Variants in SORCS3 observed in about 807,000 individuals in gnomAD.
SORCS3 encodes the protein VPS10 domain-containing receptor SorCS3.
A neutral mutation model predicts 146.3 loss-of-function variants in SORCS3; 57 were observed. The observed-to-expected ratio is 0.39, with a 90% confidence interval of 0.31 to 0.49. The LOEUF (loss-of-function observed/expected upper bound fraction) is 0.49, where lower values mean the gene tolerates loss of function less well. Among genes scored for constraint, SORCS3 ranks in the 20% least tolerant of loss-of-function variants. The probability of loss-of-function intolerance (pLI) is 0.92; values close to 1 mark genes in which losing one functional copy is unlikely to be tolerated. For synonymous variants in SORCS3, 653 were observed against 618.5 expected (o/e 1.06, Z -0.83); for missense variants, 1,341 against 1,575.5 (o/e 0.85, Z 2.52).
intron 4 of SORCS3, among the ~76,000 whole-genome samples, chr10:105,004,438 G>C (rs1184199370): frequency 1.3e-5 from 2 of 152,148 alleles, no homozygotes; most frequent in African/African-American, 4.8e-5. Flanking sequence ...CCATGTTACT[G>C]AATTTCTAGA....
At chr10:104,648,987 G>A (rs963575288) in intron 1 of SORCS3, among the ~76,000 whole-genome samples, 3 of 152,064 alleles carry the variant, frequency 2.0e-5, no homozygotes, top group African/African-American at 7.2e-5. Flanking sequence ...ACTGTTACTT[G>A]GCATGCACTG....
chr10:104,733,391 C>G (rs909207760), intron 1 of SORCS3, among the ~76,000 whole-genome samples: 16 of 151,892 alleles, frequency 1.1e-4, no homozygotes, highest in African/African-American at 2.4e-4. Flanking sequence ...TTGCTCTTGC[C>G]CAGACTAGAG....
chr10:104,897,801 C>G (rs148773955), intron 2 of SORCS3, among the ~76,000 whole-genome samples: 97 of 152,242 alleles, frequency 6.4e-4, no homozygotes, highest in African/African-American at 2.1e-3. Context: ...TTGAGCAAGT[C>G]CTGTTCTGGT....
intron 5 of SORCS3, among the ~76,000 whole-genome samples, chr10:105,057,568 A>G (rs73342210): frequency 0.059 from 8,967 of 152,222 alleles, 288 homozygotes; most frequent in Middle Eastern, 0.089. Context: ...CTGATTTGGC[A>G]AGAAGAAAAC....
chr10:104,850,887 T>C (rs1442464355), intron 2 of SORCS3, among the ~76,000 whole-genome samples: 1 of 152,224 alleles, frequency 6.6e-6, no homozygotes, highest in Non-Finnish European at 1.5e-5. Flanking sequence ...CACAACCACC[T>C]TCTTTCATAA....
At chr10:105,140,260 G>T (rs186430514) in intron 8 of SORCS3, among the ~76,000 whole-genome samples, 2 of 152,280 alleles carry the variant, frequency 1.3e-5, no homozygotes, top group Admixed American at 1.3e-4. Flanking sequence ...CAGAGGTGGA[G>T]GAATTATGGC....
chr10:104,940,239 T>TATATATATATATATATATA (rs1554861474), intron 3 of SORCS3, among the ~76,000 whole-genome samples: 20 of 14,460 alleles, frequency 1.4e-3, no homozygotes, highest in South Asian at 7.1e-3. Context: ...TATATATATA[T>TATATATATATATATATATA]TTTTTTTTTT....
chr10:105,048,886 T>G (rs1468202292), intron 5 of SORCS3, among the ~76,000 whole-genome samples: 1 of 152,142 alleles, frequency 6.6e-6, no homozygotes, highest in Admixed American at 6.6e-5. Context: ...ATCCTTACAA[T>G]TTTTGTGTCA....
intron 3 of SORCS3, among the ~76,000 whole-genome samples, chr10:104,958,924 C>G (rs369283990): frequency 6.6e-6 from 1 of 152,016 alleles, no homozygotes; most frequent in African/African-American, 2.4e-5. Flanking sequence ...CTCACTGTCA[C>G]GAGAACAGCA....
chr10:104,853,357 G>C (rs1216870501), intron 2 of SORCS3, among the ~76,000 whole-genome samples: 1 of 152,200 alleles, frequency 6.6e-6, no homozygotes, highest in Non-Finnish European at 1.5e-5. Flanking sequence ...CCTTTTGAAG[G>C]CTTTCTATTC....
chr10:104,892,162 G>A (rs1353687837), intron 2 of SORCS3, among the ~76,000 whole-genome samples: 1 of 152,146 alleles, frequency 6.6e-6, no homozygotes, highest in Non-Finnish European at 1.5e-5. Context: ...TTCAGGGTCT[G>A]TTCATCTTTC....
intron 7 of SORCS3, among the ~76,000 whole-genome samples, chr10:105,130,363 ATTC>A (rs1174819315): frequency 1.1e-4 from 17 of 152,064 alleles, no homozygotes; most frequent in Non-Finnish European, 2.5e-4. Flanking sequence ...AGGCATGCTA[ATTC>A]TTCTTCTAGT....
intron 1 of SORCS3, among the ~76,000 whole-genome samples, chr10:104,769,179 C>T (rs999278231): frequency 1.3e-5 from 2 of 152,182 alleles, no homozygotes; most frequent in Non-Finnish European, 2.9e-5. Context: ...TGTGTGGGCT[C>T]TTCACAATTG....
At chr10:104,842,336 A>G (rs2018151232) in intron 1 of SORCS3, among the ~76,000 whole-genome samples, 1 of 152,152 alleles carries the variant, frequency 6.6e-6, no homozygotes, top group Non-Finnish European at 1.5e-5. Flanking sequence ...ATCTCTTTGA[A>G]CCCCTTTTAC....
chr10:104,772,403 T>C (rs1209030966), intron 1 of SORCS3, among the ~76,000 whole-genome samples: 1 of 152,228 alleles, frequency 6.6e-6, no homozygotes, highest in African/African-American at 2.4e-5. Context: ...CTTGCTTCTC[T>C]GGTGTCTCTG....
At chr10:105,038,654 G>A (rs767924849) in intron 4 of SORCS3, among the ~76,000 whole-genome samples, 93 of 152,094 alleles carry the variant, frequency 6.1e-4, no homozygotes, top group African/African-American at 1.9e-3. Context: ...TAAATTACCC[G>A]TAATCTCACA....
chr10:105,204,361 GA>G (rs1417287850), intron 16 of SORCS3, among the ~76,000 whole-genome samples: 3 of 151,832 alleles, frequency 2.0e-5, no homozygotes, highest in Non-Finnish European at 4.4e-5. Context: ...TTTTGCTTCA[GA>G]AAAAAATAAA....
chr10:104,830,850 C>T (rs2017992789), intron 1 of SORCS3, among the ~76,000 whole-genome samples: 1 of 152,108 alleles, frequency 6.6e-6, no homozygotes, highest in South Asian at 2.1e-4. Context: ...CTTTCTCTGT[C>T]ACCCAGGCTG....
At chr10:104,886,065 C>T (rs940221643) in intron 2 of SORCS3, among the ~76,000 whole-genome samples, 4 of 152,150 alleles carry the variant, frequency 2.6e-5, no homozygotes, top group Admixed American at 2.6e-4. Context: ...CTGAGACACC[C>T]TGCTGCTAAT....
Sources: allele counts gnomAD v4.1 joint callset (sites outside exome capture counted in the v4.1 genomes callset), GRCh38; gene constraint gnomAD v4.1.1; transcripts MANE v1.5; gene names NCBI Gene and HGNC (gene_info 2026-07-23, HGNC 2026-07-21).